The following SPIRE1 variants were observed in gnomAD, a reference collection of about 807,000 sequenced individuals.
SPIRE1 encodes protein spire homolog 1.
In SPIRE1, 40 loss-of-function variants were observed where a neutral mutation model predicts 94.1. The ratio of observed to expected loss-of-function variants is 0.43; its 90% CI spans 0.33 to 0.55. SPIRE1 has a LOEUF of 0.55. Ranked by LOEUF, SPIRE1 falls within the 20% of genes least tolerant of loss-of-function variation. The probability of loss-of-function intolerance (pLI) is 0.06; values close to 1 mark genes in which losing one functional copy is unlikely to be tolerated. For synonymous variants in SPIRE1, 376 were observed against 371.7 expected (o/e 1.01, Z -0.13); for missense variants, 838 against 975.2 (o/e 0.86, Z 1.87).
At chr18:12,546,599 T>G in intron 3 of SPIRE1, 75 bp downstream of exon 3, 1 of 1,136,224 alleles carries the variant, frequency 8.8e-7, no homozygotes, top group Non-Finnish European at 1.3e-6. Flanking sequence ...AGACCATCTC[T>G]CCAGGGGGGG....
intron 1 of SPIRE1, among the ~76,000 whole-genome samples, chr18:12,641,028 G>A (rs958002315): frequency 2.0e-5 from 3 of 152,260 alleles, no homozygotes; most frequent in African/African-American, 4.8e-5. Flanking sequence ...AGCACTACAC[G>A]CGGGCGGCCA....
chr18:12,525,503 A>T (rs947001119), intron 4 of SPIRE1, among the ~76,000 whole-genome samples: 1 of 151,938 alleles, frequency 6.6e-6, no homozygotes, highest in Non-Finnish European at 1.5e-5. Flanking sequence ...CTGTTTAAGA[A>T]AATTATACCC....
At chr18:12,659,325 G>A (rs2038647013), upstream of SPIRE1, among the ~76,000 whole-genome samples, 1 of 152,080 alleles carries the variant, frequency 6.6e-6, no homozygotes, top group Admixed American at 6.6e-5. Flanking sequence ...ACATACAGCT[G>A]GGAATGGGGA....
chr18:12,506,071 AAAAT>A (rs1598420401), intron 6 of SPIRE1, among the ~76,000 whole-genome samples: 2 of 152,182 alleles, frequency 1.3e-5, no homozygotes, highest in African/African-American at 4.8e-5. Flanking sequence ...TACTTGTATA[AAAAT>A]AAATAATTTT....
intron 1 of SPIRE1, among the ~76,000 whole-genome samples, chr18:12,649,964 G>A (rs182436614): frequency 6.6e-6 from 1 of 152,212 alleles, no homozygotes; most frequent in Admixed American, 6.5e-5. Flanking sequence ...AGTAGGTCAG[G>A]CTTGGTGGCT....
chr18:12,602,506 T>C (rs1030774060), intron 2 of SPIRE1, among the ~76,000 whole-genome samples: 1 of 152,082 alleles, frequency 6.6e-6, no homozygotes, highest in Non-Finnish European at 1.5e-5. Context: ...CTAAACACAA[T>C]CCAGAAAAAT....
intron 2 of SPIRE1, among the ~76,000 whole-genome samples, chr18:12,550,717 G>A (rs1014963834): frequency 1.3e-5 from 2 of 151,946 alleles, no homozygotes; most frequent in Non-Finnish European, 2.9e-5. Flanking sequence ...CCCATCTAAC[G>A]TCTTTCCTTC....
At chr18:12,540,397 T>C (rs540911552) in intron 3 of SPIRE1, among the ~76,000 whole-genome samples, 14 of 152,228 alleles carry the variant, frequency 9.2e-5, no homozygotes, top group African/African-American at 3.4e-4. Context: ...TTTTTTGAAA[T>C]GGGGTTTCAC....
intron 2 of SPIRE1, among the ~76,000 whole-genome samples, chr18:12,608,231 AT>A (rs2037043145): frequency 1.3e-5 from 2 of 151,502 alleles, no homozygotes; most frequent in African/African-American, 4.8e-5. Context: ...TTTTTTTTTA[AT>A]TTTGTCTGAG....
At chr18:12,659,766 G>C (rs2038657600), upstream of SPIRE1, among the ~76,000 whole-genome samples, 1 of 152,100 alleles carries the variant, frequency 6.6e-6, no homozygotes, top group Non-Finnish European at 1.5e-5. Context: ...CCTTAAAGTA[G>C]CATCACTTAA....
Position 12,449,570 on chromosome 18 carries a change from A to G in SPIRE1, c.*68T>C. The G allele has an allele frequency of 6.6e-7, 1 of 1,504,610 alleles. No individual in the cohort carries two copies. The highest frequency in any genetic ancestry group is 9.0e-7 in the Non-Finnish European group (1 of 1,116,810). 93.2% of individuals were successfully genotyped at this position (1,504,610 alleles called of 1,614,324 possible). ...AAATAAAACCACAGAAAGGAGAGCC[A>G]GCCCGGCTCAGTGTCCTCGCGCACG... On this transcript the variant is annotated 3_prime_UTR_variant, in exon 17 of 17. Coordinates refer to ENST00000409402, the MANE Select transcript of SPIRE1 (RefSeq NM_001128626.2).
At chr18:12,550,748 T>A (rs1940973) in intron 2 of SPIRE1, among the ~76,000 whole-genome samples, 1 of 152,066 alleles carries the variant, frequency 6.6e-6, no homozygotes, top group Non-Finnish European at 1.5e-5. Flanking sequence ...GAAACACAAA[T>A]ACTAAAATCA....
At chr18:12,523,765 C>T (rs781375302) in intron 4 of SPIRE1, among the ~76,000 whole-genome samples, 16 of 152,116 alleles carry the variant, frequency 1.1e-4, no homozygotes, top group Non-Finnish European at 1.9e-4. Context: ...CACATGGCAG[C>T]CTTGACCTCC....
chr18:12,451,029 A>G (rs1451371269), intron 16 of SPIRE1: 7 of 383,254 alleles, frequency 1.8e-5, no homozygotes, highest in Non-Finnish European at 2.9e-5. Context: ...GAAGGAGGGG[A>G]GGAGGAGGAG....
intron 6 of SPIRE1, among the ~76,000 whole-genome samples, chr18:12,500,980 G>A (rs2033637169): frequency 6.7e-6 from 1 of 149,480 alleles, no homozygotes; most frequent in Non-Finnish European, 1.5e-5. Context: ...GTGGAGGCAG[G>A]AGAATGGCTT....
chr18:12,658,662 CGGGCCCT>C (rs1174118766), upstream of SPIRE1: 1 of 465,980 alleles, frequency 2.1e-6, no homozygotes, highest in South Asian at 1.6e-5. Context: ...GCCTCCCCGC[CGGGCCCT>C]GGGCCCTGAA....
intron 2 of SPIRE1, among the ~76,000 whole-genome samples, chr18:12,611,807 G>A (rs539603877): frequency 1.3e-5 from 2 of 151,756 alleles, no homozygotes; most frequent in African/African-American, 2.4e-5. Flanking sequence ...GGGACTATAG[G>A]CGTGCACCAC....
rs1345452411 is a variant in SPIRE1, at chr18:12,549,436, G to GTTTTTTTTTTTTTTTTTTTTT, written c.373-2533_373-2532insAAAAAAAAAAAAAAAAAAAAA. Among the ~76,000 whole-genome samples, 18 of 51,936 alleles carry GTTTTTTTTTTTTTTTTTTTTT rather than the reference G, an allele frequency of 3.5e-4. 1 individual carries two copies. The highest frequency in any genetic ancestry group is 1.4e-3 in the South Asian group (2 of 1,382). 34.1% of individuals were successfully genotyped at this position (51,936 alleles called of 152,430 possible). A position where few individuals can be genotyped will look rare whatever the true frequency, so the allele number is the denominator to read the frequency against. ...TTGCTTTTTGTTTGTTTTTGTTATT[G>GTTTTTTTTTTTTTTTTTTTTT]TTGTTTTTTTTTTTTTTTTTTTTTT... On this transcript the variant is annotated intron_variant, in intron 2 of 16. Coordinates refer to ENST00000409402, the MANE Select transcript of SPIRE1 (RefSeq NM_001128626.2).
At chr18:12,626,049 C>CA (rs1491423328) in intron 2 of SPIRE1, among the ~76,000 whole-genome samples, 2 of 128,846 alleles carry the variant, frequency 1.6e-5, no homozygotes, top group Admixed American at 7.6e-5. Context: ...CCCGCCCCCC[C>CA]CCAAAAAAAG....
Sources: gnomAD v4.1 joint callset for allele counts (sites outside exome capture counted in the v4.1 genomes callset) on GRCh38, gnomAD v4.1.1 for gene constraint, MANE v1.5 for transcripts, NCBI Gene and HGNC (gene_info 2026-07-23, HGNC 2026-07-21) for gene names.